The following HIBCH variants were observed in gnomAD, a reference collection of about 807,000 sequenced individuals.
HIBCH encodes 3-hydroxyisobutyryl-CoA hydrolase, mitochondrial.
In HIBCH, 50 loss-of-function variants were observed where a neutral mutation model predicts 58.2. The ratio of observed to expected loss-of-function variants is 0.86; its 90% CI spans 0.68 to 1.09. HIBCH has a LOEUF of 1.09. Among genes scored for constraint, HIBCH ranks in the 50% least tolerant of loss-of-function variants. The pLI is 0.00. For synonymous variants in HIBCH, 151 were observed against 146.9 expected (o/e 1.03, Z -0.20); for missense variants, 450 against 449.7 (o/e 1.00, Z -0.01).
At chr2:190,244,146 T>TACACAC (rs3838545) in intron 11 of HIBCH, among the ~76,000 whole-genome samples, 1 of 150,744 alleles carries the variant, frequency 6.6e-6, no homozygotes, top group African/African-American at 2.4e-5. Context: ...TATATATATA[T>TACACAC]ACACACACAC....
At chr2:190,318,251 CA>C (rs11366930) in intron 1 of HIBCH, among the ~76,000 whole-genome samples, 2,379 of 130,472 alleles carry the variant, frequency 0.018, 50 homozygotes, top group African/African-American at 0.051. Flanking sequence ...ATTTGGGAAC[CA>C]AAAAAAAAAA....
At chr2:190,275,316 C>G (rs999684846) in intron 6 of HIBCH, among the ~76,000 whole-genome samples, 1 of 152,140 alleles carries the variant, frequency 6.6e-6, no homozygotes, top group Non-Finnish European at 1.5e-5. Flanking sequence ...TAAGGATTGT[C>G]CTCTGTTCTA....
chr2:190,193,197 T>A (rs1056789217), intron 1 of HIBCH, among the ~76,000 whole-genome samples: 8 of 152,112 alleles, frequency 5.3e-5, no homozygotes, highest in African/African-American at 1.9e-4. Flanking sequence ...AAATTTTTTT[T>A]CTGTTTCTAC....
intron 6 of HIBCH, among the ~76,000 whole-genome samples, chr2:190,263,410 A>G (rs1230789591): frequency 6.6e-6 from 1 of 152,122 alleles, no homozygotes; most frequent in Non-Finnish European, 1.5e-5. Flanking sequence ...CCTGCTTTAA[A>G]ATCTAACTCA....
intron 11 of HIBCH, among the ~76,000 whole-genome samples, chr2:190,224,221 T>C (rs945104002): frequency 2.6e-5 from 4 of 152,164 alleles, no homozygotes; most frequent in African/African-American, 9.7e-5. Flanking sequence ...GCGTCGGCCA[T>C]TGCTGATGCT....
chr2:190,289,807 T>C (rs1687917250), intron 5 of HIBCH, among the ~76,000 whole-genome samples: 1 of 152,192 alleles, frequency 6.6e-6, no homozygotes, highest in Non-Finnish European at 1.5e-5. Flanking sequence ...CTATACTTCA[T>C]TTCATAGAGA....
intron 7 of HIBCH, among the ~76,000 whole-genome samples, chr2:190,255,904 C>G (rs1686907677): frequency 6.6e-6 from 1 of 152,040 alleles, no homozygotes; most frequent in Non-Finnish European, 1.5e-5. Context: ...CTACCCGAGA[C>G]TGAGTAATTT....
chr2:190,294,039 T>TAC (rs1688039331), intron 4 of HIBCH, among the ~76,000 whole-genome samples: 4 of 146,644 alleles, frequency 2.7e-5, no homozygotes, highest in Non-Finnish European at 1.5e-5. Context: ...TATATATATA[T>TAC]ATATATATAT....
At chr2:190,300,273 G>A (rs1169972001) in intron 2 of HIBCH, among the ~76,000 whole-genome samples, 3 of 152,116 alleles carry the variant, frequency 2.0e-5, no homozygotes, top group African/African-American at 4.8e-5. Context: ...TAATTTAAAC[G>A]CTCATCAACA....
At chr2:190,269,529 T>A (rs186922131) in intron 6 of HIBCH, among the ~76,000 whole-genome samples, 1 of 152,114 alleles carries the variant, frequency 6.6e-6, no homozygotes, top group Non-Finnish European at 1.5e-5. Flanking sequence ...TGAGATACCA[T>A]CTCACACCAG....
intron 4 of HIBCH, among the ~76,000 whole-genome samples, chr2:190,293,019 A>T (rs1338249944): frequency 6.6e-6 from 1 of 152,204 alleles, no homozygotes; most frequent in African/African-American, 2.4e-5. Context: ...AACTACAATA[A>T]TTCTACAACT....
At chr2:190,292,621 T>G (rs1687987928) in intron 4 of HIBCH, among the ~76,000 whole-genome samples, 1 of 152,186 alleles carries the variant, frequency 6.6e-6, no homozygotes. Flanking sequence ...CTTTTACTGG[T>G]TTTTAAAAGA....
intron 11 of HIBCH, among the ~76,000 whole-genome samples, chr2:190,227,041 C>T (rs2105915827): frequency 6.6e-6 from 1 of 152,292 alleles, no homozygotes; most frequent in South Asian, 2.1e-4. Flanking sequence ...CCCCATCAAG[C>T]TACCAATGAC....
chr2:190,269,869 A>T (rs1475462171), intron 6 of HIBCH, among the ~76,000 whole-genome samples: 1 of 152,202 alleles, frequency 6.6e-6, no homozygotes. Context: ...TGGCACATAC[A>T]CACCATGGAA....
rs529834843 is a variant in HIBCH, at chr2:190,293,177, G to T, written c.304+1369C>A. Among the ~76,000 whole-genome samples, 1,027 of 152,288 alleles carry T rather than the reference G, an allele frequency of 6.7e-3. 12 individuals carry two copies. The highest frequency in any genetic ancestry group is 0.022 in the African/African-American group (933 of 41,552). On this transcript the variant is annotated intron_variant, in intron 4 of 13. Coordinates refer to ENST00000359678, the MANE Select transcript of HIBCH (RefSeq NM_014362.4). The stretch of plus-strand genomic sequence containing the variant: ...CCAGACGAAAGGCTAATTCAAGGCT[G>T]AAAAACAGTATTTTAAAAATATGCA...
intron 7 of HIBCH, among the ~76,000 whole-genome samples, chr2:190,253,316 A>G (rs1686831975): frequency 6.6e-6 from 1 of 152,190 alleles, no homozygotes; most frequent in South Asian, 2.1e-4. Flanking sequence ...ATCTGTTCTA[A>G]AGTTTCCTTT....
intron 1 of HIBCH, among the ~76,000 whole-genome samples, chr2:190,191,434 C>T (rs1290215870): frequency 1.3e-5 from 2 of 152,174 alleles, no homozygotes; most frequent in African/African-American, 2.4e-5. Context: ...CATGCGCCAC[C>T]GTCCCCAGCC....
chr2:190,301,913 A>G (rs1688273700), intron 2 of HIBCH, among the ~76,000 whole-genome samples: 1 of 152,152 alleles, frequency 6.6e-6, no homozygotes, highest in African/African-American at 2.4e-5. Context: ...ACGACTTACC[A>G]CTTCCCAAAA....
intron 11 of HIBCH, among the ~76,000 whole-genome samples, chr2:190,227,426 G>C (rs1198720697): frequency 6.6e-6 from 1 of 152,008 alleles, no homozygotes; most frequent in Non-Finnish European, 1.5e-5. Flanking sequence ...AATTCAAGAT[G>C]GATTAAAGAC....
Sources: gnomAD v4.1 joint callset for allele counts (sites outside exome capture counted in the v4.1 genomes callset) on GRCh38, gnomAD v4.1.1 for gene constraint, MANE v1.5 for transcripts, NCBI Gene and HGNC (gene_info 2026-07-23, HGNC 2026-07-21) for gene names.